CACNA1H: variants seen among roughly 807,000 people sequenced by gnomAD.
CACNA1H encodes the protein calcium voltage-gated channel subunit alpha1 H.
In CACNA1H, 149 loss-of-function variants were observed where a neutral mutation model predicts 192.5. The observed-to-expected ratio is 0.77, with a 90% CI of 0.68 to 0.89. CACNA1H has a LOEUF of 0.89. CACNA1H is among the 40% of genes least tolerant of loss of function. The probability of loss-of-function intolerance (pLI) is 0.00; values close to 1 mark genes in which losing one functional copy is unlikely to be tolerated. For synonymous variants in CACNA1H, 2,202 were observed against 1,475.2 expected (o/e 1.49, Z -11.29); for missense variants, 4,257 against 3,423.5 (o/e 1.24, Z -6.08).
intron 2 of CACNA1H, among the ~76,000 whole-genome samples, chr16:1,190,693 C>T (rs1258792156): frequency 6.6e-6 from 1 of 152,268 alleles, no homozygotes; most frequent in Non-Finnish European, 1.5e-5. Flanking sequence ...CAGAGCTGCC[C>T]CACAGGCACA....
chr16:1,161,034 C>T (rs1014503036), intron 2 of CACNA1H, among the ~76,000 whole-genome samples: 2 of 152,160 alleles, frequency 1.3e-5, no homozygotes, highest in Non-Finnish European at 2.9e-5. Context: ...GGTGAAGAGG[C>T]TCCTCTGACC....
chr16:1,207,576 G>A (rs1968890379), intron 14 of CACNA1H, 146 bp downstream of exon 14: 1 of 1,052,250 alleles, frequency 9.5e-7, no homozygotes. Context: ...GGGAGGCCAG[G>A]AGCCCAGCGG....
In CACNA1H at chr16:1,193,951, C is replaced by T. The variant is rs141438634; in HGVS notation, c.300-1021C>T. ...AGAGTTTGAGACACTCAGACCCTGACCCCAGTGCTGCACGCAGCACCCAGG... is the reference window on the plus strand; with the variant it reads ...AGAGTTTGAGACACTCAGACCCTGATCCCAGTGCTGCACGCAGCACCCAGG... On this transcript the variant is annotated intron_variant, in intron 2 of 34. Coordinates refer to ENST00000348261, the MANE Select transcript of CACNA1H (RefSeq NM_021098.3). Among the ~76,000 whole-genome samples, 390 of 152,252 alleles carry T rather than the reference C, an allele frequency of 2.6e-3. 1 individual carries two copies. Among genetic ancestry groups the T allele is most frequent in the Middle Eastern group, 0.01 (3 of 294 alleles).
intron 2 of CACNA1H, chr16:1,156,925 C>T (rs1962491153): frequency 6.6e-6 from 1 of 152,206 alleles, no homozygotes. Context: ...CCAAGGACGC[C>T]CTTATCCTTA....
intron 2 of CACNA1H, among the ~76,000 whole-genome samples, chr16:1,179,383 C>T (rs1349805058): frequency 6.6e-6 from 1 of 152,152 alleles, no homozygotes; most frequent in Non-Finnish European, 1.5e-5. Flanking sequence ...CTCTCCTGCC[C>T]CCGCGAGGTT....
intron 2 of CACNA1H, among the ~76,000 whole-genome samples, chr16:1,166,558 G>A (rs1465805148): frequency 2.0e-5 from 3 of 152,110 alleles, no homozygotes; most frequent in African/African-American, 7.2e-5. Flanking sequence ...TGCAGCCCCA[G>A]CAGCGATGGG....
In CACNA1H at chr16:1,217,998, G is replaced by T; in HGVS notation, c.5403G>T (p.Leu1801=). Residue 1801 remains leucine (L), a synonymous_variant, in exon 32 of 35, where the codon CTG becomes CTT. Coordinates refer to ENST00000348261, the MANE Select transcript of CACNA1H (RefSeq NM_021098.3). Reference sequence around the variant, plus strand: ...ACTTCGGCATGGCCTTCCTCACGCTGTTCCGCGTGTCCACGGGGGACAACT... The same window carrying T: ...ACTTCGGCATGGCCTTCCTCACGCTTTTCCGCGTGTCCACGGGGGACAACT... ...FSNFGMAFLT[L]FRVSTGDNWN... The T allele has an allele frequency of 6.2e-7, 1 of 1,602,574 alleles. No homozygotes were observed. The highest frequency in any genetic ancestry group is 1.7e-5 in the Admixed American group (1 of 58,846).
chr16:1,171,969 C>G (rs1358377623), intron 2 of CACNA1H, among the ~76,000 whole-genome samples: 2 of 152,248 alleles, frequency 1.3e-5, no homozygotes, highest in East Asian at 3.8e-4. Flanking sequence ...CGCTGGGGTC[C>G]AAGTGCGGCA....
chr16:1,188,818 A>C (rs1326866908), intron 2 of CACNA1H, among the ~76,000 whole-genome samples: 5 of 152,054 alleles, frequency 3.3e-5, no homozygotes, highest in Non-Finnish European at 7.4e-5. Flanking sequence ...CCCCACACCT[A>C]ACCCCGGCCC....
At position 1,180,907 on chromosome 16, in the gene CACNA1H, G is replaced by C. The variant is rs1215181903; in HGVS notation, c.300-14065G>C. 6.6e-6 allele frequency among the ~76,000 whole-genome samples: 1 copy of C among 152,222 alleles called. No homozygotes were observed. Among genetic ancestry groups the C allele is most frequent in the Non-Finnish European group, 1.5e-5 (1 of 68,022 alleles). ...CAGACCTGCTGGGCCGCGTTGGCAG[G>C]GGCTCACCCCGTCTTCCCGCAGGAA... On this transcript the variant is annotated intron_variant, in intron 2 of 34. Transcript: ENST00000348261. The surrounding 1 kb of genome is among the most constrained non-coding windows in gnomAD (Gnocchi z 4.4).
At position 1,216,556 on chromosome 16, in the gene CACNA1H, G is replaced by A. The variant is rs145778956; in HGVS notation, c.5245-376G>A. Among the ~76,000 whole-genome samples the A allele has an allele frequency of 6.6e-5, 10 of 152,376 alleles. No homozygotes were observed. In the East Asian group the frequency reaches 1.9e-3, roughly 29 times the overall value. On this transcript the variant is annotated intron_variant, in intron 30 of 34. Transcript: ENST00000348261. ...CCATGGGATCTCTGAGGTAGCCGCT[G>A]AACAGGGCGGGCCAGAGCCCCCAGG... is the stretch of plus-strand genomic sequence containing the variant.
intron 2 of CACNA1H, among the ~76,000 whole-genome samples, chr16:1,181,954 ACACGCATG>A: frequency 6.7e-6 from 1 of 149,590 alleles, no homozygotes; most frequent in African/African-American, 2.5e-5. Context: ...GCCCCCTCGC[ACACGCATG>A]CCCCCTCGCA....
At chr16:1,208,940 A>T in intron 16 of CACNA1H, 92 bp from the exon 17 acceptor site, 1 of 1,279,232 alleles carries the variant, frequency 7.8e-7, no homozygotes, top group Non-Finnish European at 1.0e-6. Context: ...TAAATGATCC[A>T]CGTGTGGCTT....
At chr16:1,163,092 T>C (rs1231460858) in intron 2 of CACNA1H, among the ~76,000 whole-genome samples, 3 of 152,232 alleles carry the variant, frequency 2.0e-5, no homozygotes, top group Admixed American at 6.5e-5. Context: ...GCCTCTCTGT[T>C]CTGGGCAGGT....
rs751311855 is a variant in CACNA1H, at chr16:1,200,258, A to T, written c.806A>T (p.Asn269Ile). The T allele has an allele frequency of 6.3e-7, 1 of 1,595,606 alleles. No individual in the cohort carries two copies. The highest frequency in any genetic ancestry group is 2.3e-5 in the East Asian group (1 of 44,294). ...GCCCTGGCTGTGCCCATCCCCAGGA[A>T]CAACAACCTGACCTTCCTGCGGCCG... The part of the protein sequence containing the change: ...RCFLDSAFVR[N>I]NNLTFLRPYY... Residue 269 changes from asparagine to isoleucine, a missense_variant and splice_region_variant, in exon 7 of 35, where the codon AAC (asparagine) becomes ATC (isoleucine). Transcript: ENST00000348261.
intron 11 of CACNA1H, among the ~76,000 whole-genome samples, chr16:1,205,846 C>A (rs527832605): frequency 6.6e-6 from 1 of 152,324 alleles, no homozygotes; most frequent in East Asian, 1.9e-4. Flanking sequence ...GAAGGAGCTT[C>A]CCTGCCCTGG....
chr16:1,198,148 C>A (rs975866386), intron 5 of CACNA1H, among the ~76,000 whole-genome samples: 1 of 152,154 alleles, frequency 6.6e-6, no homozygotes, highest in African/African-American at 2.4e-5. Flanking sequence ...TCCCAAGGCT[C>A]CTGCTGCCTT....
chr16:1,188,811 C>G (rs575094675), intron 2 of CACNA1H, among the ~76,000 whole-genome samples: 10 of 152,206 alleles, frequency 6.6e-5, no homozygotes, highest in African/African-American at 1.2e-4. Flanking sequence ...TGTGTCCCCC[C>G]ACACCTAACC....
intron 2 of CACNA1H, among the ~76,000 whole-genome samples, chr16:1,174,401 G>C (rs1007125642): frequency 6.6e-6 from 1 of 152,206 alleles, no homozygotes; most frequent in South Asian, 2.1e-4. Flanking sequence ...ATTGCTGCCA[G>C]GATGGGGGGC....
Sources: gnomAD v4.1 joint callset for allele counts (sites outside exome capture counted in the v4.1 genomes callset) on GRCh38, gnomAD v4.1.1 for gene constraint, Gnocchi (gnomAD v3.1) non-coding constraint, MANE v1.5 for transcripts, NCBI Gene and HGNC (gene_info 2026-07-23, HGNC 2026-07-21) for gene names.